Variants in SSUH2 observed in about 807,000 individuals in gnomAD.
SSUH2 encodes the protein ssu-2 homolog, also known as protein SSUH2 homolog.
SSUH2 carries 47 observed loss-of-function variants against 55.3 expected under a neutral mutation model. The ratio of observed to expected loss-of-function variants is 0.85; its 90% CI spans 0.67 to 1.08. SSUH2 has a LOEUF of 1.08. Among genes scored for constraint, SSUH2 ranks in the 50% least tolerant of loss-of-function variants. The pLI, the probability that SSUH2 is intolerant of heterozygous loss-of-function variation, is 0.00. For missense variants in SSUH2, 535 were observed against 490.7 expected (o/e 1.09, Z -0.85); for synonymous variants, 212 against 191.5 (o/e 1.11, Z -0.89).
chr3:8,653,289 T>C (rs536490724), intron 7 of SSUH2, among the ~76,000 whole-genome samples: 42 of 152,212 alleles, frequency 2.8e-4, no homozygotes, highest in Non-Finnish European at 5.3e-4. Context: ...CCATTACTTT[T>C]TATATTTATA....
Position 8,678,501 on chromosome 3 carries a change from C to A in SSUH2, c.-900-1148G>T, listed in dbSNP as rs55992346. Among the ~76,000 whole-genome samples the A allele has an allele frequency of 1.0e-4, 12 of 117,706 alleles. 3 individuals are homozygous for A. Among genetic ancestry groups the A allele is most frequent in the East Asian group, 2.2e-4 (1 of 4,468 alleles). 77.2% of individuals were successfully genotyped at this position (117,706 alleles called of 152,430 possible). On this transcript the variant is annotated intron_variant, in intron 2 of 18. Coordinates refer to the SSUH2 transcript ENST00000317371. ...ACCCCCATTGCAAGGGGGTGAGGCA[C>A]CCCCCGCGAGGCGGGGACTGAGAGC...
At chr3:8,623,398 TTAGG>T (rs2125089683) in intron 11 of SSUH2, 147 bp downstream of exon 11, 2 of 595,814 alleles carry the variant, frequency 3.4e-6, no homozygotes, top group African/African-American at 3.7e-5. Context: ...CCCTGGGGCC[TTAGG>T]TCAGGCCCTA....
chr3:8,679,414 C>T lies in SSUH2; in HGVS notation c.-901+291G>A, dbSNP rs562566352. Among the ~76,000 whole-genome samples, 10 of 136,148 alleles carry T rather than the reference C, an allele frequency of 7.3e-5. No individual in the cohort carries two copies. The South Asian group carries it at 1.6e-3, about 22-fold the overall frequency. 89.3% of individuals were successfully genotyped at this position (136,148 alleles called of 152,430 possible). ...AGGGGACTGAGAGCCAGCCCCTCTT[C>T]CCCCCCTGGCTCTTAGGACCCCCAT... is the stretch of plus-strand genomic sequence containing the variant. On this transcript the variant is annotated intron_variant, in intron 2 of 18. Transcript: ENST00000317371.
intron 2 of SSUH2, among the ~76,000 whole-genome samples, chr3:8,679,132 G>A (rs1405230920): frequency 9.3e-6 from 1 of 107,102 alleles, no homozygotes; most frequent in African/African-American, 3.2e-5. Context: ...AATTGCGGGG[G>A]GGAGGCACCC....
At chr3:8,675,254 C>T (rs1205484742) in intron 3 of SSUH2, among the ~76,000 whole-genome samples, 8 of 152,314 alleles carry the variant, frequency 5.3e-5, no homozygotes, top group African/African-American at 1.9e-4. Flanking sequence ...AAGCTGTTTG[C>T]CTTTCAGTGG....
chr3:8,668,979 G>A (rs1223588711), intron 5 of SSUH2, among the ~76,000 whole-genome samples: 1 of 151,958 alleles, frequency 6.6e-6, no homozygotes, highest in Non-Finnish European at 1.5e-5. Flanking sequence ...AGGGAGGAAG[G>A]GAAGGAAGGA....
upstream of SSUH2, among the ~76,000 whole-genome samples, chr3:8,645,491 T>G (rs915040934): frequency 2.6e-5 from 4 of 152,302 alleles, no homozygotes; most frequent in South Asian, 4.1e-4. Context: ...ACCTCAGCCC[T>G]TGGAAGATCA....
Position 8,630,796 on chromosome 3 carries a change from T to C in SSUH2, c.525+9A>G. On this transcript the variant is annotated intron_variant, in intron 6 of 11. Transcript: ENST00000544814. ...GCAAGTATTCCAGTAATCGCGTTAA[T>C]CGTATTACCTTGACCAGTGACGAGT... The C allele has an allele frequency of 2.2e-6, 3 of 1,385,280 alleles. No individual in the cohort carries two copies. Among genetic ancestry groups the C allele is most frequent in the Non-Finnish European group, 2.8e-6 (3 of 1,060,480 alleles). 85.8% of individuals were successfully genotyped at this position (1,385,280 alleles called of 1,614,324 possible). A position where few individuals can be genotyped will look rare whatever the true frequency, so the allele number is the denominator to read the frequency against.
intron 1 of SSUH2, among the ~76,000 whole-genome samples, chr3:8,640,340 G>A (rs756452169): frequency 8.5e-5 from 13 of 152,230 alleles, no homozygotes; most frequent in Middle Eastern, 6.8e-3. Context: ...CAAATAATTG[G>A]TCACAGTAGT....
chr3:8,621,960 CT>C (rs376471772), intron 11 of SSUH2, among the ~76,000 whole-genome samples: 249 of 151,374 alleles, frequency 1.6e-3, no homozygotes, highest in African/African-American at 5.8e-3. Flanking sequence ...CCTCTATCTG[CT>C]TCTGGCTCAA....
chr3:8,645,307 G>C (rs903153457), upstream of SSUH2, among the ~76,000 whole-genome samples: 40 of 152,202 alleles, frequency 2.6e-4, no homozygotes, highest in Non-Finnish European at 1.2e-4. Flanking sequence ...AACAAAGCTG[G>C]GATTGTGAGG....
intron 10 of SSUH2, 97 bp downstream of exon 10, chr3:8,625,445 A>G: frequency 1.4e-6 from 1 of 734,020 alleles, no homozygotes. Flanking sequence ...CTGTCCTTCC[A>G]AGGAATGCAG....
chr3:8,633,966 G>T (rs906564390), intron 3 of SSUH2, 171 bp from the exon 4 acceptor site: 3 of 1,611,458 alleles, frequency 1.9e-6, no homozygotes, highest in Non-Finnish European at 2.5e-6. Flanking sequence ...ATGTGAACGG[G>T]TGCCCAGCGT....
chr3:8,672,123 AC>A (rs1468634484), intron 3 of SSUH2: 4 of 151,974 alleles, frequency 2.6e-5, no homozygotes, highest in Non-Finnish European at 5.9e-5. Flanking sequence ...GAAATTAGGA[AC>A]AGTATCACTG....
chr3:8,638,215 A>G (rs1700239269), intron 1 of SSUH2, among the ~76,000 whole-genome samples: 1 of 152,092 alleles, frequency 6.6e-6, no homozygotes, highest in Admixed American at 6.6e-5. Context: ...ATTAAAGATC[A>G]AGGTCAGGGC....
intron 11 of SSUH2, among the ~76,000 whole-genome samples, chr3:8,621,909 A>G (rs934833218): frequency 1.3e-5 from 2 of 152,142 alleles, no homozygotes; most frequent in Non-Finnish European, 2.9e-5. Flanking sequence ...AATGGAGAGC[A>G]TGGCAATACC....
chr3:8,680,093 G>GA (rs1217107524), intron 1 of SSUH2, among the ~76,000 whole-genome samples: 1 of 152,172 alleles, frequency 6.6e-6, no homozygotes, highest in Non-Finnish European at 1.5e-5. Flanking sequence ...ATGCATCAGA[G>GA]AGAGAAAAGA....
At chr3:8,653,162 C>T (rs998875979) in intron 7 of SSUH2, among the ~76,000 whole-genome samples, 2 of 152,138 alleles carry the variant, frequency 1.3e-5, no homozygotes, top group African/African-American at 2.4e-5. Context: ...CCTGGTCATC[C>T]ATCTGGCTGG....
upstream of SSUH2, chr3:8,644,937 G>C: frequency 1.6e-6 from 1 of 644,666 alleles, no homozygotes; most frequent in South Asian, 1.8e-5. Flanking sequence ...CCAATCCACC[G>C]GGTTCTGGGA....
Sources: allele counts gnomAD v4.1 joint callset (sites outside exome capture counted in the v4.1 genomes callset), GRCh38; gene constraint gnomAD v4.1.1; transcripts MANE v1.5; gene names NCBI Gene and HGNC (gene_info 2026-07-23, HGNC 2026-07-21).